SHISA6: variants seen among roughly 807,000 people sequenced by gnomAD.
SHISA6 encodes the protein shisa family member 6.
In SHISA6, 22 loss-of-function variants were observed where a neutral mutation model predicts 47.9. The ratio of observed to expected loss-of-function variants is 0.46; its 90% CI spans 0.33 to 0.66. The LOEUF (loss-of-function observed/expected upper bound fraction) is 0.66. Ranked by LOEUF, SHISA6 falls within the 30% of genes least tolerant of loss-of-function variation. The pLI, the probability that SHISA6 is intolerant of heterozygous loss-of-function variation, is 0.02. For synonymous variants in SHISA6, 388 were observed against 337.8 expected, an observed-to-expected ratio of 1.15 and a Z score of -1.63; for missense variants, 680 against 764.6, an observed-to-expected ratio of 0.89 and a Z score of 1.30.
At chr17:11,347,164 G>A (rs1182010666) in intron 2 of SHISA6, among the ~76,000 whole-genome samples, 1 of 151,776 alleles carries the variant, frequency 6.6e-6, no homozygotes, top group African/African-American at 2.4e-5. Context: ...GTTGTGGTTG[G>A]AACTAGAGTT....
At chr17:11,466,447 C>G (rs1360815765) in intron 3 of SHISA6, among the ~76,000 whole-genome samples, 4 of 152,180 alleles carry the variant, frequency 2.6e-5, no homozygotes, top group Admixed American at 1.3e-4. Flanking sequence ...AATCCTTAAC[C>G]TAATCACATC....
At chr17:11,503,095 C>T (rs2071468979) in intron 3 of SHISA6, among the ~76,000 whole-genome samples, 1 of 152,134 alleles carries the variant, frequency 6.6e-6, no homozygotes, top group Admixed American at 6.5e-5. Context: ...GTAAGAGCTG[C>T]AAGGGTTCTA....
intron 3 of SHISA6, among the ~76,000 whole-genome samples, chr17:11,388,826 A>T (rs1346242090): frequency 9.4e-6 from 1 of 105,862 alleles, no homozygotes; most frequent in African/African-American, 4.1e-5. Context: ...ATATATATAT[A>T]TATATATATA....
At chr17:11,485,188 GA>G (rs1390069874) in intron 3 of SHISA6, among the ~76,000 whole-genome samples, 1 of 152,148 alleles carries the variant, frequency 6.6e-6, no homozygotes, top group East Asian at 1.9e-4. Flanking sequence ...GGATAGATGG[GA>G]AAGAAGGGAA....
intron 3 of SHISA6, among the ~76,000 whole-genome samples, chr17:11,457,533 C>T (rs1915571865): frequency 1.3e-5 from 2 of 148,548 alleles, no homozygotes; most frequent in South Asian, 4.3e-4. Flanking sequence ...AGTTCGAGAC[C>T]AGCCTGCCCA....
At chr17:11,449,517 G>A (rs1915327691) in intron 3 of SHISA6, among the ~76,000 whole-genome samples, 1 of 152,178 alleles carries the variant, frequency 6.6e-6, no homozygotes, top group Non-Finnish European at 1.5e-5. Flanking sequence ...GCGAGACACT[G>A]AAGGAATGAA....
At chr17:11,453,853 G>A (rs1915464821) in intron 3 of SHISA6, among the ~76,000 whole-genome samples, 1 of 152,168 alleles carries the variant, frequency 6.6e-6, no homozygotes, top group Non-Finnish European at 1.5e-5. Flanking sequence ...GAAAAGGTCA[G>A]ACTATAGGGA....
At chr17:11,262,943 T>C (rs1908286803) in intron 1 of SHISA6, among the ~76,000 whole-genome samples, 2 of 152,184 alleles carry the variant, frequency 1.3e-5, no homozygotes, top group South Asian at 4.1e-4. Flanking sequence ...ACTCAGTGTG[T>C]AGTTTTGGAT....
At chr17:11,257,892 A>G (rs1908077390) in intron 1 of SHISA6, among the ~76,000 whole-genome samples, 1 of 152,224 alleles carries the variant, frequency 6.6e-6, no homozygotes, top group Admixed American at 6.5e-5. Context: ...TAGTTTTTAT[A>G]TGAACAGTTC....
chr17:11,259,451 ATC>A (rs1908144276), intron 1 of SHISA6, among the ~76,000 whole-genome samples: 1 of 152,222 alleles, frequency 6.6e-6, no homozygotes, highest in South Asian at 2.1e-4. Flanking sequence ...AGTCTTTAAT[ATC>A]TCGAGCAGAC....
chr17:11,248,106 G>T, intron 1 of SHISA6, among the ~76,000 whole-genome samples: 1 of 152,098 alleles, frequency 6.6e-6, no homozygotes, highest in East Asian at 1.9e-4. Context: ...ATTGTAGAGA[G>T]ATAAGAGGCC....
chr17:11,423,675 C>G (rs921932677), intron 3 of SHISA6, among the ~76,000 whole-genome samples: 1 of 152,078 alleles, frequency 6.6e-6, no homozygotes, highest in Non-Finnish European at 1.5e-5. Flanking sequence ...CACAAAAGAT[C>G]AGTTCACCAT....
At chr17:11,337,065 G>A (rs1180433198) in intron 2 of SHISA6, among the ~76,000 whole-genome samples, 1 of 152,166 alleles carries the variant, frequency 6.6e-6, no homozygotes, top group African/African-American at 2.4e-5. Context: ...TTTGATCTAA[G>A]ATGGAGCCCT....
intron 3 of SHISA6, among the ~76,000 whole-genome samples, chr17:11,423,206 CAT>C (rs1271545455): frequency 7.3e-6 from 1 of 136,276 alleles, no homozygotes; most frequent in Non-Finnish European, 1.6e-5. Flanking sequence ...TTCTGTGTAA[CAT>C]ATATGTATGT....
chr17:11,285,205 A>C (rs1252226895), intron 2 of SHISA6, among the ~76,000 whole-genome samples: 1 of 152,198 alleles, frequency 6.6e-6, no homozygotes, highest in African/African-American at 2.4e-5. Context: ...GTTTGATCTG[A>C]GGAACTTCAA....
In SHISA6 at chr17:11,406,307, C is replaced by G. The variant is rs143766841; in HGVS notation, c.895+26798C>G. 1.3e-3 allele frequency among the ~76,000 whole-genome samples: 202 copies of G among 152,310 alleles called. 2 individuals carry two copies. Among genetic ancestry groups the G allele is most frequent in the African/African-American group, 4.5e-3 (186 of 41,562 alleles). ...CCTAAGAACACTAGGGAATTAATAT[C>G]ATACTTCTCCACCTCTTCCACCTTC... On this transcript the variant is annotated intron_variant, in intron 3 of 5. Coordinates refer to ENST00000441885, the MANE Select transcript of SHISA6 (RefSeq NM_207386.4).
rs1183369490 is a variant in SHISA6 at position 11,491,488 on chromosome 17, C to T, written c.896-60408C>T. ...CTAACTTTTTTAATTTTTGTGGAGA[C>T]GGGGGTCTCACTATGTTGTTACCCA... is the stretch of plus-strand genomic sequence containing the variant. On this transcript the variant is annotated intron_variant, in intron 3 of 5. Transcript: ENST00000441885. 2.6e-5 allele frequency among the ~76,000 whole-genome samples: 4 copies of T among 152,030 alleles called. No homozygotes were observed. In the East Asian group the frequency reaches 7.8e-4, roughly 30 times the overall value.
chr17:11,364,772 C>T (rs1357595412), intron 2 of SHISA6, among the ~76,000 whole-genome samples: 2 of 152,186 alleles, frequency 1.3e-5, no homozygotes, highest in Non-Finnish European at 2.9e-5. Flanking sequence ...GAACAAACTA[C>T]CAACAAGCTT....
chr17:11,263,336 A>G (rs1164866327), intron 1 of SHISA6, 30 bp from the exon 2 acceptor site: 2 of 1,550,342 alleles, frequency 1.3e-6, no homozygotes, highest in Non-Finnish European at 1.7e-6. Context: ...TGCTCAGTGA[A>G]TCTCATTATG....
Sources: gnomAD v4.1 joint callset for allele counts (sites outside exome capture counted in the v4.1 genomes callset) on GRCh38, gnomAD v4.1.1 for gene constraint, MANE v1.5 for transcripts, NCBI Gene and HGNC (gene_info 2026-07-23, HGNC 2026-07-21) for gene names.